Variants in DMTN observed in about 807,000 individuals in gnomAD.
The protein encoded by DMTN is dematin actin binding protein.
In DMTN, 27 loss-of-function variants were observed where a neutral mutation model predicts 59.4. The ratio of observed to expected loss-of-function variants is 0.45; its 90% CI spans 0.33 to 0.63. DMTN has a LOEUF of 0.63. DMTN is among the 20% of genes least tolerant of loss of function. DMTN has a pLI of 0.02. For synonymous variants in DMTN, 221 were observed against 203.7 expected (o/e 1.08, Z -0.72); for missense variants, 451 against 528.9 (o/e 0.85, Z 1.45).
At chr8:22,075,768 C>T (rs1172109512) in intron 10 of DMTN, among the ~76,000 whole-genome samples, 1 of 152,178 alleles carries the variant, frequency 6.6e-6, no homozygotes, top group African/African-American at 2.4e-5. Context: ...ATCCACCTGC[C>T]TTGGCCTCCC....
At chr8:22,066,403 C>T (rs1197991783) in intron 1 of DMTN, 1 of 152,754 alleles carries the variant, frequency 6.5e-6, no homozygotes, top group Non-Finnish European at 1.5e-5. Flanking sequence ...GGGAGGGCCT[C>T]AGCCAGGGCC....
At chr8:22,056,714 CCA>C (rs1457694901), upstream of DMTN, among the ~76,000 whole-genome samples, 5 of 152,210 alleles carry the variant, frequency 3.3e-5, no homozygotes, top group South Asian at 1.0e-3. Context: ...GCGCGCACAT[CCA>C]CACACACACC....
chr8:22,050,267 G>A (rs1801206763), upstream of DMTN, among the ~76,000 whole-genome samples: 1 of 152,134 alleles, frequency 6.6e-6, no homozygotes, highest in Non-Finnish European at 1.5e-5. Context: ...AAGGGTTGGG[G>A]GCCCCCCAGG....
intron 14 of DMTN, 115 bp from the exon 15 acceptor site, chr8:22,080,998 C>T (rs957475433): frequency 2.0e-6 from 3 of 1,476,580 alleles, no homozygotes; most frequent in Admixed American, 1.8e-5. Flanking sequence ...TTGGGGGAGA[C>T]AGAGGGCAAG....
intron 10 of DMTN, among the ~76,000 whole-genome samples, chr8:22,079,095 G>A (rs73223797): frequency 0.026 from 3,925 of 151,016 alleles, 84 homozygotes; most frequent in Middle Eastern, 0.071. Context: ...ACTGTGCCCA[G>A]CCTAATGTCA....
chr8:22,075,839 C>G (rs550409953), intron 10 of DMTN, among the ~76,000 whole-genome samples: 1 of 152,280 alleles, frequency 6.6e-6, no homozygotes, highest in South Asian at 2.1e-4. Context: ...TTCTTGATGA[C>G]AGGTACCACA....
intron 1 of DMTN, among the ~76,000 whole-genome samples, chr8:22,061,536 C>A (rs1054643799): frequency 3.3e-5 from 5 of 152,068 alleles, no homozygotes; most frequent in African/African-American, 1.2e-4. Flanking sequence ...CTCTGAGTAG[C>A]CACCACTCTG....
At chr8:22,080,316 A>G (rs1326295882) in intron 11 of DMTN, 72 bp downstream of exon 11, 1 of 1,612,974 alleles carries the variant, frequency 6.2e-7, no homozygotes, top group Non-Finnish European at 8.5e-7. Flanking sequence ...GGACTGAGCC[A>G]CTTGGGCACC....
At chr8:22,072,647 G>A (rs111730369) in intron 9 of DMTN, among the ~76,000 whole-genome samples, 197 bp downstream of exon 9, 1 of 43,424 alleles carries the variant, frequency 2.3e-5, no homozygotes, top group African/African-American at 7.8e-5. Flanking sequence ...TTTTTTTTTT[G>A]TATTTTTAAT....
At chr8:22,075,701 T>G (rs2131353176) in intron 10 of DMTN, among the ~76,000 whole-genome samples, 1 of 152,150 alleles carries the variant, frequency 6.6e-6, no homozygotes. Context: ...GTATTTTTAT[T>G]AGAGACGGGG....
At position 22,073,284 on chromosome 8, in the gene DMTN, C is replaced by T. The variant is rs375999046; in HGVS notation, c.730-446C>T. On this transcript the variant is annotated intron_variant, in intron 9 of 15. Coordinates refer to ENST00000358242, the MANE Select transcript of DMTN (RefSeq NM_001387751.1). ...ACAAACCAGCCACTTGGGAAATGTC[C>T]GCAGTCCTGCCTGCAGCATGGCCCA... Among the ~76,000 whole-genome samples, 5 of 152,278 alleles carry T rather than the reference C, an allele frequency of 3.3e-5. No homozygotes were observed. In the South Asian group the frequency reaches 6.2e-4, roughly 19 times the overall value.
In DMTN at chr8:22,069,948, C is replaced by T. The variant is rs780003753; in HGVS notation, c.451+11C>T. ...TCTATAAGCAGAGAGGTGAGGGCGCCCCTGGCTCACCAGAGCCTGCTTCCG... is the reference window on the plus strand; with the variant it reads ...TCTATAAGCAGAGAGGTGAGGGCGCTCCTGGCTCACCAGAGCCTGCTTCCG... On this transcript the variant is annotated intron_variant, in intron 7 of 15. Transcript: ENST00000358242. The T allele has an allele frequency of 1.1e-4, 185 of 1,613,992 alleles. 1 individual carries two copies. The East Asian group carries it at 3.7e-3, about 33-fold the overall frequency.
At chr8:22,074,446 A>T (rs980877416) in intron 10 of DMTN, among the ~76,000 whole-genome samples, 7 of 152,104 alleles carry the variant, frequency 4.6e-5, no homozygotes, top group African/African-American at 1.7e-4. Context: ...GCCAATTTTT[A>T]AAATTTTCTG....
chr8:22,081,102 C>A lies in DMTN; in HGVS notation c.1024-11C>A. 2.5e-6 allele frequency: 2 copies of A among 790,256 alleles called. No homozygotes were observed. Among genetic ancestry groups the A allele is most frequent in the South Asian group, 2.7e-5 (2 of 75,028 alleles). The allele number at this position is 790,256 out of a possible 1,614,324, so 49.0% of individuals were successfully genotyped here. Reference sequence around the variant, plus strand: ...CTGTGAGCCTAAGATTGCCCCTCCCCCCACCCCCAGATCTATCCCTATGAA... The same window carrying A: ...CTGTGAGCCTAAGATTGCCCCTCCCACCACCCCCAGATCTATCCCTATGAA... On this transcript the variant is annotated splice_polypyrimidine_tract_variant and intron_variant, in intron 14 of 15. Transcript: ENST00000358242.
chr8:22,056,540 G>A (rs546852964), upstream of DMTN, among the ~76,000 whole-genome samples: 4 of 152,294 alleles, frequency 2.6e-5, no homozygotes, highest in East Asian at 7.7e-4. Flanking sequence ...TTTAGGAGGA[G>A]GCTGAGGGGC....
upstream of DMTN, among the ~76,000 whole-genome samples, chr8:22,053,059 A>G (rs924290382): frequency 2.6e-5 from 4 of 152,132 alleles, no homozygotes; most frequent in Non-Finnish European, 5.9e-5. Context: ...TGGAGAAAAT[A>G]TGCACAGAGC....
chr8:22,051,076 C>G (rs957277552), upstream of DMTN, among the ~76,000 whole-genome samples: 2 of 152,172 alleles, frequency 1.3e-5, no homozygotes, highest in Non-Finnish European at 2.9e-5. Context: ...CCCTGCTTGC[C>G]TCTGAGCGCC....
At chr8:22,049,394 G>A (rs1801098704), upstream of DMTN, among the ~76,000 whole-genome samples, 1 of 151,442 alleles carries the variant, frequency 6.6e-6, no homozygotes, top group African/African-American at 2.4e-5. Flanking sequence ...GGGGTAGGGG[G>A]CGAGAGGGGC....
intron 10 of DMTN, among the ~76,000 whole-genome samples, chr8:22,079,058 A>G (rs1006257187): frequency 3.3e-5 from 5 of 151,154 alleles, no homozygotes; most frequent in Middle Eastern, 3.4e-3. Context: ...TCGGCCTCCC[A>G]GAATGCTGGG....
Sources: gnomAD v4.1 joint callset for allele counts (sites outside exome capture counted in the v4.1 genomes callset) on GRCh38, gnomAD v4.1.1 for gene constraint, MANE v1.5 for transcripts, NCBI Gene and HGNC (gene_info 2026-07-23, HGNC 2026-07-21) for gene names.